Variants in SIM2 observed in about 807,000 individuals in gnomAD.
SIM2 encodes SIM bHLH transcription factor 2, also known as single-minded homolog 2.
Under a neutral mutation model 64.8 loss-of-function variants are expected in SIM2, and 28 were observed. The observed-to-expected ratio is 0.43, with a 90% confidence interval of 0.32 to 0.59. SIM2 has a LOEUF of 0.59. Among genes scored for constraint, SIM2 ranks in the 20% least tolerant of loss-of-function variants. The probability of loss-of-function intolerance (pLI) is 0.07; values close to 1 mark genes in which losing one functional copy is unlikely to be tolerated. For missense variants in SIM2, 847 were observed against 871.4 expected, an observed-to-expected ratio of 0.97 and a Z score of 0.35; for synonymous variants, 408 against 391.1, an observed-to-expected ratio of 1.04 and a Z score of -0.51.
At position 36,745,557 on chromosome 21, in the gene SIM2, C is replaced by T. The variant is rs548608575; in HGVS notation, c.1576+421C>T. Reference sequence around the variant, plus strand: ...ACAAACGGCCTATTGGCTATTTTCCCATGCCAGTTTTGGAAGTGGGGAAAA... The same window carrying T: ...ACAAACGGCCTATTGGCTATTTTCCTATGCCAGTTTTGGAAGTGGGGAAAA... On this transcript the variant is annotated intron_variant, in intron 10 of 10. Transcript: ENST00000290399. The surrounding 1 kb of genome is among the most constrained non-coding windows in gnomAD (Gnocchi z 4.8). 1 of 1,113,728 alleles carries T rather than the reference C, an allele frequency of 9.0e-7. No individual in the cohort carries two copies. Among genetic ancestry groups the T allele is most frequent in the Non-Finnish European group, 1.1e-6 (1 of 899,992 alleles). 69.0% of individuals were successfully genotyped at this position (1,113,728 alleles called of 1,614,324 possible).
intron 1 of SIM2, among the ~76,000 whole-genome samples, chr21:36,708,726 G>A (rs1191703522): frequency 1.3e-5 from 2 of 152,196 alleles, no homozygotes; most frequent in African/African-American, 4.8e-5. Context: ...AGGAGTTGCC[G>A]GAGAAGCAGG....
intron 9 of SIM2, among the ~76,000 whole-genome samples, chr21:36,744,276 T>C (rs1240914030): frequency 1.7e-5 from 2 of 116,188 alleles, no homozygotes; most frequent in African/African-American, 3.5e-5. Context: ...CATTAGCAGA[T>C]AGACCAGTTG....
At chr21:36,740,052 A>AAAG (rs1336767165) in intron 7 of SIM2, among the ~76,000 whole-genome samples, 2 of 137,078 alleles carry the variant, frequency 1.5e-5, no homozygotes, top group Non-Finnish European at 3.3e-5. Flanking sequence ...AGAAAGAAAG[A>AAAG]AAGAAAGAGA....
intron 6 of SIM2, among the ~76,000 whole-genome samples, chr21:36,727,096 G>C (rs1389129497): frequency 6.6e-6 from 1 of 152,118 alleles, no homozygotes; most frequent in Non-Finnish European, 1.5e-5. Context: ...GGAATGCAAT[G>C]GTGCGATCTC....
Position 36,701,474 on chromosome 21 carries a change from G to A in SIM2, c.175+1553G>A, listed in dbSNP as rs1196693453. The A allele has an allele frequency of 2.0e-5, 3 of 152,370 alleles. No individual in the cohort carries two copies. The East Asian group carries it at 5.8e-4, about 29-fold the overall frequency. The allele number at this position is 152,370 out of a possible 1,614,324, so 9.4% of individuals were successfully genotyped here. On this transcript the variant is annotated intron_variant, in intron 1 of 10. Transcript: ENST00000290399. ...CGCGGCTCCCCGGCCCAGGAGCCAGGCGCGGGCTGACCCGGGAGCACCCGG... is the reference window on the plus strand; with the variant it reads ...CGCGGCTCCCCGGCCCAGGAGCCAGACGCGGGCTGACCCGGGAGCACCCGG...
At chr21:36,722,599 C>T (rs955545425) in intron 4 of SIM2, among the ~76,000 whole-genome samples, 3 of 152,048 alleles carry the variant, frequency 2.0e-5, no homozygotes, top group Non-Finnish European at 4.4e-5. Context: ...GTGGGAAGGG[C>T]AGAGCCCTGG....
intron 7 of SIM2, among the ~76,000 whole-genome samples, chr21:36,741,473 A>G (rs2089157043): frequency 6.6e-6 from 1 of 152,224 alleles, no homozygotes; most frequent in Non-Finnish European, 1.5e-5. Flanking sequence ...GTTAAATAAG[A>G]GTTCTTAATG....
Position 36,747,991 on chromosome 21 carries a change from G to C in SIM2, c.1903G>C (p.Ala635Pro). 1 of 1,079,952 alleles carries C rather than the reference G, an allele frequency of 9.3e-7. No homozygotes were observed. The highest frequency in any genetic ancestry group is 1.7e-5 in the African/African-American group (1 of 59,252). 66.9% of individuals were successfully genotyped at this position (1,079,952 alleles called of 1,614,324 possible). ...APGGPEAATG[A>P]LRLRHPSPAA... ...CGGCGGCCCCGAGGCGGCGACCGGC[G>C]CGCTGCGGCTCCGGCACCCGAGCCC... is the stretch of plus-strand genomic sequence containing the variant. Residue 635 changes from alanine (A) to proline (P), a missense_variant, in exon 11 of 11, where the codon GCG becomes CCG. By Grantham distance (27) the Ala-to-Pro change is conservative. Coordinates refer to ENST00000290399, the MANE Select transcript of SIM2 (RefSeq NM_005069.6). This position sits in a 1 kb window ranked among gnomAD's most constrained non-coding sequence, Gnocchi z 4.5.
At chr21:36,709,684 C>T in intron 2 of SIM2, 1 of 345,204 alleles carries the variant, frequency 2.9e-6, no homozygotes, top group Non-Finnish European at 5.6e-6. Flanking sequence ...GGCGCAAGGA[C>T]GGAGAGACAG....
chr21:36,702,433 T>C (rs1412325344), intron 1 of SIM2, among the ~76,000 whole-genome samples: 1 of 152,128 alleles, frequency 6.6e-6, no homozygotes, highest in Non-Finnish European at 1.5e-5. Context: ...GGGGTAGGGG[T>C]AGACCTGGAG....
chr21:36,737,984 C>CAAAAAAAAAAAAAAAAAAAA (rs71326699), intron 7 of SIM2, among the ~76,000 whole-genome samples: 4 of 90,258 alleles, frequency 4.4e-5, no homozygotes, highest in Non-Finnish European at 8.4e-5. Flanking sequence ...AAAAAAAAAG[C>CAAAAAAAAAAAAAAAAAAAA]AAAAAAAAAG....
At chr21:36,732,358 G>A (rs1163619408) in intron 7 of SIM2, among the ~76,000 whole-genome samples, 2 of 152,236 alleles carry the variant, frequency 1.3e-5, no homozygotes, top group Non-Finnish European at 2.9e-5. Context: ...CATGTCCTCT[G>A]TTCTTGCTCT....
At chr21:36,723,603 G>C (rs545593105) in intron 5 of SIM2, among the ~76,000 whole-genome samples, 1 of 152,174 alleles carries the variant, frequency 6.6e-6, no homozygotes, top group Non-Finnish European at 1.5e-5. Context: ...TTTCATCTGC[G>C]GCACCACACC....
intron 7 of SIM2, among the ~76,000 whole-genome samples, chr21:36,737,572 C>T (rs1601051860): frequency 1.3e-5 from 2 of 152,212 alleles, no homozygotes; most frequent in African/African-American, 2.4e-5. Context: ...TTGGAAGAAC[C>T]GTGATGTCCA....
chr21:36,730,424 G>A (rs941554666), intron 6 of SIM2, among the ~76,000 whole-genome samples: 6 of 152,214 alleles, frequency 3.9e-5, no homozygotes, highest in African/African-American at 1.2e-4. Context: ...TTCTCGAAGA[G>A]AAAAATTCCT....
chr21:36,732,679 A>T (rs1001634954), intron 7 of SIM2, among the ~76,000 whole-genome samples: 5 of 152,218 alleles, frequency 3.3e-5, no homozygotes, highest in African/African-American at 1.2e-4. Context: ...AGACCAAATC[A>T]TGATCTCATA....
rs371149689 is a variant in SIM2 at position 36,738,412 on chromosome 21, G to A, written c.851-3305G>A. 2.4e-4 allele frequency among the ~76,000 whole-genome samples: 37 copies of A among 152,094 alleles called. 2 individuals carry two copies. The highest frequency in any genetic ancestry group is 1.9e-3 in the Admixed American group (29 of 15,272). On this transcript the variant is annotated intron_variant, in intron 7 of 10. Transcript: ENST00000290399. ...CCCAGCTACTCGGGAGGCTGAGGCA[G>A]GAGAATCACTTGAACCTGGGAGGCG...
chr21:36,745,883 G>A lies in SIM2; in HGVS notation c.1576+747G>A, dbSNP rs1016253221. The A allele has an allele frequency of 7.7e-7, 1 of 1,300,602 alleles. No individual in the cohort carries two copies. Among genetic ancestry groups the A allele is most frequent in the Admixed American group, 2.3e-5 (1 of 43,526 alleles). 80.6% of individuals were successfully genotyped at this position (1,300,602 alleles called of 1,614,324 possible). On this transcript the variant is annotated intron_variant, in intron 10 of 10. Coordinates refer to ENST00000290399, the MANE Select transcript of SIM2 (RefSeq NM_005069.6). This position sits in a 1 kb window ranked among gnomAD's most constrained non-coding sequence, Gnocchi z 4.8. ...CTCGCTGGACCAACCCCAGGCAGAAGGTGGAAGGTGGGAACAGAGGTTTAG... is the reference window on the plus strand; with the variant it reads ...CTCGCTGGACCAACCCCAGGCAGAAAGTGGAAGGTGGGAACAGAGGTTTAG...
intron 1 of SIM2, among the ~76,000 whole-genome samples, chr21:36,700,278 G>GA (rs1459892057): frequency 6.2e-5 from 1 of 16,208 alleles, no homozygotes; most frequent in East Asian, 5.5e-4. Flanking sequence ...GTTTGGTTTG[G>GA]ATTTTTTTCT....
Sources: gnomAD v4.1 joint callset for allele counts (sites outside exome capture counted in the v4.1 genomes callset) on GRCh38, gnomAD v4.1.1 for gene constraint, Gnocchi (gnomAD v3.1) non-coding constraint, MANE v1.5 for transcripts, NCBI Gene and HGNC (gene_info 2026-07-23, HGNC 2026-07-21) for gene names.